Variants in PPP1R36 observed in about 807,000 individuals in gnomAD.
The protein encoded by PPP1R36 is protein phosphatase 1 regulatory subunit 36, also known as chromosome 14 open reading frame 50.
In PPP1R36, 47 loss-of-function variants were observed where a neutral mutation model predicts 53.4. The observed-to-expected ratio is 0.88, with a 90% CI of 0.70 to 1.12. The LOEUF (loss-of-function observed/expected upper bound fraction) is 1.12. Ranked by LOEUF, PPP1R36 falls within the 50% of genes most tolerant of loss-of-function variation. The pLI, the probability that PPP1R36 is intolerant of heterozygous loss-of-function variation, is 0.00. For missense variants in PPP1R36, 456 were observed against 513.9 expected (o/e 0.89, Z 1.09); for synonymous variants, 153 against 170.5 (o/e 0.90, Z 0.80).
At chr14:64,553,242 A>C (rs576913214) in intron 3 of PPP1R36, among the ~76,000 whole-genome samples, 42 of 152,300 alleles carry the variant, frequency 2.8e-4, no homozygotes, top group African/African-American at 9.4e-4. Flanking sequence ...GGTGTGAGCC[A>C]CCGCATCTGG....
intron 8 of PPP1R36, among the ~76,000 whole-genome samples, chr14:64,577,718 CTTTTT>C (rs10667127): frequency 3.9e-4 from 37 of 94,444 alleles, no homozygotes; most frequent in East Asian, 2.6e-3. Flanking sequence ...GCCATGATTA[CTTTTT>C]TTTTTTTTTT....
chr14:64,568,804 A>C (rs1449352332), intron 7 of PPP1R36, among the ~76,000 whole-genome samples: 1 of 152,182 alleles, frequency 6.6e-6, no homozygotes, highest in Non-Finnish European at 1.5e-5. Context: ...TTATCATGCA[A>C]CAGTAGTTGA....
chr14:64,560,634 C>G (rs76202452), intron 3 of PPP1R36, among the ~76,000 whole-genome samples: 10,904 of 151,892 alleles, frequency 0.072, 653 homozygotes, highest in African/African-American at 0.16. Flanking sequence ...GATTAGTGAG[C>G]CATGAGGAGT....
Position 64,575,128 on chromosome 14 carries a change from C to T in PPP1R36, c.668+539C>T, listed in dbSNP as rs576931063. Among the ~76,000 whole-genome samples, 20 of 152,238 alleles carry T rather than the reference C, an allele frequency of 1.3e-4. No homozygotes were observed. The South Asian group carries it at 2.3e-3, about 17-fold the overall frequency. On this transcript the variant is annotated intron_variant, in intron 8 of 11. Transcript: ENST00000298705. The stretch of plus-strand genomic sequence containing the variant: ...CATCACAGGTTTGGGATCACAAGGT[C>T]GAACACATCAACCCTTAACTCAGAA...
rs1396410315 is a variant in PPP1R36, at chr14:64,568,335, A to T, written c.435-14A>T. ...GCATTGACTCTTTTTTTGTTGTTTCAAATCTCCCCATAGGAATAAGAATCT... is the reference window on the plus strand; with the variant it reads ...GCATTGACTCTTTTTTTGTTGTTTCTAATCTCCCCATAGGAATAAGAATCT... On this transcript the variant is annotated splice_polypyrimidine_tract_variant and intron_variant, in intron 6 of 11. Coordinates refer to ENST00000298705, the MANE Select transcript of PPP1R36 (RefSeq NM_172365.3). The T allele has an allele frequency of 8.1e-7, 1 of 1,230,804 alleles. No homozygotes were observed. The allele number at this position is 1,230,804 out of a possible 1,614,324, so 76.2% of individuals were successfully genotyped here.
At chr14:64,551,671 C>A (rs2140212027) in intron 2 of PPP1R36, 1 of 456,184 alleles carries the variant, frequency 2.2e-6, no homozygotes, top group East Asian at 7.0e-5. Context: ...AGCAACTGAA[C>A]CAAAGTCATA....
intron 11 of PPP1R36, 97 bp from the exon 12 acceptor site, chr14:64,589,051 TACAC>T: frequency 1.2e-6 from 1 of 805,868 alleles, no homozygotes; most frequent in Non-Finnish European, 2.0e-6. Flanking sequence ...TTAGTGTACA[TACAC>T]ACACACATAC....
At chr14:64,585,095 AGAAGGCC>A (rs2080420389) in intron 8 of PPP1R36, among the ~76,000 whole-genome samples, 1 of 152,224 alleles carries the variant, frequency 6.6e-6, no homozygotes, top group Non-Finnish European at 1.5e-5. Flanking sequence ...AGTCCCTGTG[AGAAGGCC>A]GAAGGTCCTG....
At chr14:64,586,762 G>A (rs903867745) in intron 8 of PPP1R36, 75 bp from the exon 9 acceptor site, 1 of 1,001,948 alleles carries the variant, frequency 1.0e-6, no homozygotes, top group East Asian at 2.4e-5. Context: ...CCTAACTTTA[G>A]AGAAAGATAA....
intron 2 of PPP1R36, among the ~76,000 whole-genome samples, chr14:64,552,142 C>T (rs913174868): frequency 6.6e-6 from 1 of 152,168 alleles, no homozygotes; most frequent in Non-Finnish European, 1.5e-5. Context: ...AGGTGTCTGA[C>T]TTGGGTGATC....
Position 64,588,263 on chromosome 14 carries a change from T to C in PPP1R36, c.1050T>C (p.His350=), listed in dbSNP as rs200682586. 19 of 1,613,556 alleles carry C rather than the reference T, an allele frequency of 1.2e-5. No homozygotes were observed. The Admixed American group carries it at 1.5e-4, about 13-fold the overall frequency. ...DVRFPAEMQK[H]VGTLDSVPMP... Reference sequence around the variant, plus strand: ...GATTCCCAGCCGAGATGCAAAAGCATGTGGGAACTCTGGACTCTGTGCCCA... The same window carrying C: ...GATTCCCAGCCGAGATGCAAAAGCACGTGGGAACTCTGGACTCTGTGCCCA... The change falls in exon 11 of 12, where the codon CAT becomes CAC. Residue 350 remains histidine (H), a synonymous_variant. Coordinates refer to ENST00000298705, the MANE Select transcript of PPP1R36 (RefSeq NM_172365.3).
chr14:64,568,511 T>A lies in PPP1R36; in HGVS notation c.533+64T>A, dbSNP rs532913726. The A allele has an allele frequency of 1.5e-4, 107 of 728,692 alleles. No homozygotes were observed. In the African/African-American group the frequency reaches 1.5e-3, roughly 10 times the overall value. 45.1% of individuals were successfully genotyped at this position (728,692 alleles called of 1,614,324 possible). A position where few individuals can be genotyped will look rare whatever the true frequency, so the allele number is the denominator to read the frequency against. Reference sequence around the variant, plus strand: ...CTGCCAGTATTAAAAGTAACTTTTGTCTAGGATAAAGAGATGATGGAAATT... The same window carrying A: ...CTGCCAGTATTAAAAGTAACTTTTGACTAGGATAAAGAGATGATGGAAATT... On this transcript the variant is annotated intron_variant, in intron 7 of 11. Transcript: ENST00000298705.
intron 3 of PPP1R36, among the ~76,000 whole-genome samples, chr14:64,553,824 A>G (rs1392186346): frequency 6.1e-5 from 6 of 97,696 alleles, no homozygotes; most frequent in African/African-American, 2.7e-4. Context: ...AGTTATAACT[A>G]AAAAAAAAAA....
rs35427371 is a variant in PPP1R36, at chr14:64,573,913, C to CA, written c.534-511dup. ...TGGGCGACACAGCGAGACTCTGTCT[C>CA]AAAAAAAAAAAAAAAAAAAAAAAAA... On this transcript the variant is annotated intron_variant, in intron 7 of 11. Transcript: ENST00000298705. Among the ~76,000 whole-genome samples, 261 of 32,536 alleles carry CA rather than the reference C, an allele frequency of 8.0e-3. 32 individuals are homozygous for CA. Among genetic ancestry groups the CA allele is most frequent in the African/African-American group, 0.027 (196 of 7,384 alleles). The allele number at this position is 32,536 out of a possible 152,430, so 21.3% of individuals were successfully genotyped here. A position where few individuals can be genotyped will look rare whatever the true frequency, so the allele number is the denominator to read the frequency against.
intron 8 of PPP1R36, among the ~76,000 whole-genome samples, chr14:64,585,346 T>A (rs2080423396): frequency 6.6e-6 from 1 of 151,832 alleles, no homozygotes; most frequent in South Asian, 2.1e-4. Flanking sequence ...TGAAACCCCA[T>A]CTCTACAAAA....
intron 3 of PPP1R36, among the ~76,000 whole-genome samples, chr14:64,556,601 A>ATTTT (rs753994540): frequency 8.1e-6 from 1 of 122,876 alleles, no homozygotes. Context: ...TGTTCCCACA[A>ATTTT]TTTTTTTTTT....
chr14:64,550,934 G>A lies in PPP1R36; in HGVS notation c.83G>A (p.Arg28Gln). The A allele has an allele frequency of 3.7e-6, 6 of 1,608,946 alleles. No homozygotes were observed. Among genetic ancestry groups the A allele is most frequent in the African/African-American group, 1.3e-5 (1 of 74,732 alleles). Residue 28 changes from arginine (R) to glutamine (Q), a missense_variant, in exon 2 of 12, where the codon CGA (arginine) becomes CAA (glutamine). Arg to Gln is a conservative substitution (Grantham distance 43). Coordinates refer to ENST00000298705, the MANE Select transcript of PPP1R36 (RefSeq NM_172365.3). ...TTCGTTTTACAGCAGTTGGGATTAC[G>A]ATTAGGGATGTGGTACTGGAAAGAT... Reference protein sequence around the residue: ...TPYLMDQLGLRLGMWYWKDET... With the variant: ...TPYLMDQLGLQLGMWYWKDET...
intron 2 of PPP1R36, chr14:64,551,581 T>C (rs1042852454): frequency 8.8e-6 from 4 of 456,170 alleles, no homozygotes; most frequent in African/African-American, 6.0e-5. Flanking sequence ...TGCATATTTT[T>C]CCAATTCTTA....
At chr14:64,587,022 G>T in intron 9 of PPP1R36, 143 bp downstream of exon 9, 1 of 797,016 alleles carries the variant, frequency 1.3e-6, no homozygotes, top group Non-Finnish European at 2.0e-6. Flanking sequence ...TTAAATTGTT[G>T]GTCTGATTTT....
Sources: gnomAD v4.1 joint callset for allele counts (sites outside exome capture counted in the v4.1 genomes callset) on GRCh38, gnomAD v4.1.1 for gene constraint, MANE v1.5 for transcripts, NCBI Gene and HGNC (gene_info 2026-07-23, HGNC 2026-07-21) for gene names.